AGR3: variants seen among roughly 807,000 people sequenced by gnomAD.
The protein encoded by AGR3 is anterior gradient 3, protein disulphide isomerase family member.
A neutral mutation model predicts 24.5 loss-of-function variants in AGR3; 37 were observed. The ratio of observed to expected loss-of-function variants is 1.51; its 90% confidence interval spans 1.16 to 1.99. AGR3 has a LOEUF of 1.99. Ranked by LOEUF, AGR3 falls within the 30% of genes most tolerant of loss-of-function variation. The pLI is 0.00. For synonymous variants in AGR3, 75 were observed against 61.6 expected (o/e 1.22, Z -1.02); for missense variants, 228 against 191.1 (o/e 1.19, Z -1.14).
intron 1 of AGR3, among the ~76,000 whole-genome samples, chr7:16,880,894 G>C (rs943794402): frequency 1.3e-5 from 2 of 152,058 alleles, no homozygotes; most frequent in Non-Finnish European, 2.9e-5. Flanking sequence ...ACCTAGGACA[G>C]GATCTTAACC....
intron 2 of AGR3, among the ~76,000 whole-genome samples, 171 bp from the exon 3 acceptor site, chr7:16,874,014 C>A (rs1781937459): frequency 6.6e-6 from 1 of 152,128 alleles, no homozygotes; most frequent in Non-Finnish European, 1.5e-5. Context: ...AGGTGATTTC[C>A]CTTTAGATTG....
chr7:16,865,923 C>A, intron 3 of AGR3: 1 of 705,946 alleles, frequency 1.4e-6, no homozygotes, highest in Non-Finnish European at 2.6e-6. Context: ...ATAGATCCAT[C>A]CTGTTTTGGT....
At position 16,878,515 on chromosome 7, in the gene AGR3, G is replaced by T; in HGVS notation, c.104C>A (p.Ser35Ter). The stretch of plus-strand genomic sequence containing the variant: ...ATAAAATGAGATTACAGCACCTCTT[G>T]AGAGTGTCTGAGGAGGCCTCTTTTC... ...KKEKRPPQTL[S>*]RGWGDDITWV... The change falls in exon 2 of 8, where the codon TCA (serine) becomes TAA (stop). Residue 35 changes from serine to a stop codon, truncating the protein, a stop_gained. Transcript: ENST00000310398. LOFTEE classifies it high-confidence loss of function. 6.2e-7 allele frequency: 1 copy of T among 1,612,534 alleles called. No individual in the cohort carries two copies. Among genetic ancestry groups the T allele is most frequent in the Non-Finnish European group, 8.5e-7 (1 of 1,178,568 alleles).
At chr7:16,875,718 C>G (rs1345477124) in intron 2 of AGR3, among the ~76,000 whole-genome samples, 2 of 152,054 alleles carry the variant, frequency 1.3e-5, no homozygotes, top group Non-Finnish European at 2.9e-5. Flanking sequence ...ATTTTATATA[C>G]TCACCAGCAA....
At position 16,878,528 on chromosome 7, in the gene AGR3, G is replaced by A; in HGVS notation, c.91C>T (p.Pro31Ser). Residue 31 changes from proline to serine, a missense_variant, in exon 2 of 8, where the codon CCT becomes TCT. Physicochemically the swap from Pro to Ser is moderately conservative, Grantham distance 74. Transcript: ENST00000310398. ...ACAGCACCTCTTGAGAGTGTCTGAG[G>A]AGGCCTCTTTTCCTTTTTTATTGCA... is the stretch of plus-strand genomic sequence containing the variant. ...AIAIKKEKRP[P>S]QTLSRGWGDD... 6.2e-7 allele frequency: 1 copy of A among 1,613,924 alleles called. No homozygotes were observed. The highest frequency in any genetic ancestry group is 8.5e-7 in the Non-Finnish European group (1 of 1,179,856).
chr7:16,877,270 T>C (rs1782002109), intron 2 of AGR3, among the ~76,000 whole-genome samples: 1 of 142,210 alleles, frequency 7.0e-6, no homozygotes, highest in African/African-American at 2.5e-5. Context: ...AACACAAATG[T>C]ATACTATGAT....
intron 5 of AGR3, 70 bp downstream of exon 5, chr7:16,861,914 A>AG: frequency 2.1e-6 from 3 of 1,399,224 alleles, no homozygotes; most frequent in South Asian, 1.3e-5. Flanking sequence ...AAAAAAAAAA[A>AG]AAAGAAAAAA....
At chr7:16,870,761 A>G (rs1781849389) in intron 3 of AGR3, among the ~76,000 whole-genome samples, 1 of 152,080 alleles carries the variant, frequency 6.6e-6, no homozygotes, top group African/African-American at 2.4e-5. Flanking sequence ...TTGTCAGGGT[A>G]TATTTTTAAA....
intron 2 of AGR3, among the ~76,000 whole-genome samples, chr7:16,877,707 C>G (rs1279092367): frequency 6.6e-6 from 1 of 151,374 alleles, no homozygotes; most frequent in African/African-American, 2.4e-5. Context: ...ACTAAAACTA[C>G]AAAAAATTAG....
chr7:16,867,517 A>G (rs78049969), intron 3 of AGR3, among the ~76,000 whole-genome samples: 1 of 152,304 alleles, frequency 6.6e-6, no homozygotes, highest in East Asian at 1.9e-4. Flanking sequence ...TTGTGGTGAG[A>G]ATATTTAAAA....
Position 16,860,492 on chromosome 7 carries a change from A to G in AGR3, c.451+8T>C, listed in dbSNP as rs777272013. 1 of 1,603,866 alleles carries G rather than the reference A, an allele frequency of 6.2e-7. No individual in the cohort carries two copies. The highest frequency in any genetic ancestry group is 8.5e-7 in the Non-Finnish European group (1 of 1,170,724). ...GACCACTGTTTGAGATCATTTGTGA[A>G]TACTTACATAGGGGTAAATCCCGAG... On this transcript the variant is annotated splice_region_variant and intron_variant, in intron 7 of 7. Transcript: ENST00000310398.
intron 4 of AGR3, 37 bp downstream of exon 4, chr7:16,862,572 AT>A: frequency 7.7e-7 from 1 of 1,296,192 alleles, no homozygotes; most frequent in African/African-American, 1.6e-5. Context: ...TATTGGAAAT[AT>A]TATATATTAT....
chr7:16,880,416 C>G (rs1719716780), intron 1 of AGR3, among the ~76,000 whole-genome samples: 1 of 151,920 alleles, frequency 6.6e-6, no homozygotes, highest in Non-Finnish European at 1.5e-5. Flanking sequence ...CTGCTTCGGC[C>G]TCCCAAAGTG....
chr7:16,881,436 A>G (rs1782114737), intron 1 of AGR3, among the ~76,000 whole-genome samples: 1 of 152,214 alleles, frequency 6.6e-6, no homozygotes, highest in Admixed American at 6.5e-5. Flanking sequence ...GTCCTTTAGT[A>G]TCAGTTGCAA....
At position 16,859,507 on chromosome 7, in the gene AGR3, G is replaced by C; in HGVS notation, c.*75C>G. The stretch of plus-strand genomic sequence containing the variant: ...CAAAATCTATATACTTGCACATTTA[G>C]TATTTGTCAATGTGCCAGAGGTTTT... On this transcript the variant is annotated 3_prime_UTR_variant, in exon 8 of 8. Transcript: ENST00000310398. 3.2e-6 allele frequency: 3 copies of C among 945,756 alleles called. No homozygotes were observed. The highest frequency in any genetic ancestry group is 4.8e-6 in the Non-Finnish European group (3 of 620,678). The allele number at this position is 945,756 out of a possible 1,614,324, so 58.6% of individuals were successfully genotyped here. A position where few individuals can be genotyped will look rare whatever the true frequency, so the allele number is the denominator to read the frequency against.
intron 1 of AGR3, among the ~76,000 whole-genome samples, chr7:16,881,281 T>A (rs1210049994): frequency 6.6e-6 from 1 of 152,216 alleles, no homozygotes; most frequent in Non-Finnish European, 1.5e-5. Flanking sequence ...AATTAAAAAA[T>A]AAAAATCTTG....
chr7:16,859,356 T>A, downstream of AGR3: 1 of 447,522 alleles, frequency 2.2e-6, no homozygotes, highest in South Asian at 2.7e-5. Flanking sequence ...CCACTATAAC[T>A]CTTGGCAGGC....
intron 2 of AGR3, among the ~76,000 whole-genome samples, chr7:16,877,030 CCTTT>C (rs1425458427): frequency 6.6e-6 from 1 of 151,692 alleles, no homozygotes; most frequent in Non-Finnish European, 1.5e-5. Flanking sequence ...CTTTTTCATT[CCTTT>C]CTTTTGCAAA....
At chr7:16,875,135 A>G (rs1191303364) in intron 2 of AGR3, among the ~76,000 whole-genome samples, 1 of 151,984 alleles carries the variant, frequency 6.6e-6, no homozygotes, top group African/African-American at 2.4e-5. Context: ...AAAAAAAGAA[A>G]AAAAGAAAAT....
Sources: allele counts gnomAD v4.1 joint callset (sites outside exome capture counted in the v4.1 genomes callset), GRCh38; gene constraint gnomAD v4.1.1; transcripts MANE v1.5; gene names NCBI Gene and HGNC (gene_info 2026-07-23, HGNC 2026-07-21).